DHCR7: variants seen among roughly 807,000 people sequenced by gnomAD.
The protein encoded by DHCR7 is 7-DHC reductase.
A neutral mutation model predicts 43.3 loss-of-function variants in DHCR7; 40 were observed. The observed-to-expected ratio is 0.92, with a 90% CI of 0.72 to 1.20. DHCR7 has a LOEUF of 1.20. Ranked by LOEUF, DHCR7 falls within the 50% of genes most tolerant of loss-of-function variation. The pLI is 0.00. For synonymous variants in DHCR7, 298 were observed against 271.4 expected, an observed-to-expected ratio of 1.10 and a Z score of -0.96; for missense variants, 608 against 644.6, an observed-to-expected ratio of 0.94 and a Z score of 0.62.
At chr11:71,433,435 C>T (rs1325680369), downstream of DHCR7, among the ~76,000 whole-genome samples, 1 of 152,240 alleles carries the variant, frequency 6.6e-6, no homozygotes, top group African/African-American at 2.4e-5. Flanking sequence ...ACCTGCAGCC[C>T]AGCACAAAGC....
chr11:71,448,808 G>T (rs1949433912), upstream of DHCR7: 1 of 152,296 alleles, frequency 6.6e-6, no homozygotes, highest in African/African-American at 2.4e-5. Flanking sequence ...CCGGTGCACC[G>T]CAAGGAGCAA....
At chr11:71,433,347 G>A (rs944746596), downstream of DHCR7, among the ~76,000 whole-genome samples, 2 of 152,244 alleles carry the variant, frequency 1.3e-5, no homozygotes, top group Admixed American at 6.5e-5. Context: ...GGGCAGACGT[G>A]TCTGGTGGGA....
At chr11:71,439,170 G>A (rs1013707127) in intron 6 of DHCR7, 87 bp from the exon 7 acceptor site, 1 of 1,345,396 alleles carries the variant, frequency 7.4e-7, no homozygotes. Flanking sequence ...CCCAGCACTG[G>A]CCCAGGGTCC....
intron 4 of DHCR7, among the ~76,000 whole-genome samples, chr11:71,442,913 T>C (rs1213172829): frequency 6.6e-6 from 1 of 152,206 alleles, no homozygotes; most frequent in Non-Finnish European, 1.5e-5. Flanking sequence ...CCAGAACTTT[T>C]CATCACCACA....
At chr11:71,436,404 C>T (rs1053146367) in intron 8 of DHCR7, among the ~76,000 whole-genome samples, 11 of 152,190 alleles carry the variant, frequency 7.2e-5, no homozygotes, top group South Asian at 2.1e-4. Flanking sequence ...GTGGCTCACA[C>T]CTGTAATCCC....
intron 2 of DHCR7, 106 bp from the exon 3 acceptor site, chr11:71,445,064 G>T: frequency 1.1e-6 from 1 of 906,482 alleles, no homozygotes; most frequent in Non-Finnish European, 1.8e-6. Context: ...GGCCTCCTGT[G>T]CACATCTTCC....
At chr11:71,436,065 G>T in intron 8 of DHCR7, 1 of 588,796 alleles carries the variant, frequency 1.7e-6, no homozygotes, top group South Asian at 2.0e-5. Flanking sequence ...GTATGTGTGT[G>T]TGTATATATA....
intron 8 of DHCR7, among the ~76,000 whole-genome samples, chr11:71,436,370 A>G (rs1266848799): frequency 6.6e-6 from 1 of 152,208 alleles, no homozygotes; most frequent in Non-Finnish European, 1.5e-5. Context: ...AATCTGCTAA[A>G]AAGTGGCCTT....
rs755869989 is a variant in DHCR7 at position 71,444,152 on chromosome 11, G to C, written c.162C>G (p.Val54=). Residue 54 remains valine (V), a synonymous_variant, in exon 4 of 9, where the codon GTC becomes GTG. Transcript: ENST00000355527. ...IFLLLFAPFI[V]YYFIMACDQY... ...GGTCACAAGCCATGATGAAGTAGTA[G>C]ACGATGAAGGGGGCGAACAGCAGTA... 6.2e-7 allele frequency: 1 copy of C among 1,611,244 alleles called. No individual in the cohort carries two copies.
chr11:71,444,192 G>T lies in DHCR7; in HGVS notation c.122C>A (p.Ala41Glu). The T allele has an allele frequency of 6.3e-7, 1 of 1,597,598 alleles. No individual in the cohort carries two copies. The highest frequency in any genetic ancestry group is 8.5e-7 in the Non-Finnish European group (1 of 1,171,394). Reference protein sequence around the residue: ...RAWEVDWFSLASVIFLLLFAP... With the variant: ...RAWEVDWFSLESVIFLLLFAP... ...GAACAGCAGTAGGAAGATGACGCTC[G>T]CCAGTGAAAACCAGTCCACCTCCCT... The change falls in exon 4 of 9, where the codon GCG becomes GAG. Residue 41 changes from alanine (A) to glutamate (E), a missense_variant. By Grantham distance (107) the Ala-to-Glu change is moderately radical (BLOSUM62 -1). Transcript: ENST00000355527.
In DHCR7 at chr11:71,435,785, C is replaced by T. The variant is rs148081697; in HGVS notation, c.1018G>A (p.Val340Ile). ...VQLSTPHAVGVLLLGLVGYYI... is the reference protein window; with the variant it reads ...VQLSTPHAVGILLLGLVGYYI... ...TAGCCCACCAGGCCCAGCAGCAGGA[C>T]GCCCACGGCGTGCGGGGTGGACAGC... The change falls in exon 9 of 9, where the codon GTC becomes ATC. Residue 340 changes from valine (V) to isoleucine (I), a missense_variant. Transcript: ENST00000355527. The T allele has an allele frequency of 4.0e-4, 640 of 1,608,398 alleles. 3 individuals carry two copies. The highest frequency in any genetic ancestry group is 1.6e-4 in the South Asian group (15 of 90,980).
intron 5 of DHCR7, among the ~76,000 whole-genome samples, chr11:71,442,050 C>T (rs1949353625): frequency 6.6e-6 from 1 of 152,196 alleles, no homozygotes; most frequent in Non-Finnish European, 1.5e-5. Flanking sequence ...GCCATCCATT[C>T]CCTCCTTACC....
At chr11:71,443,836 G>A (rs1591113128) in intron 4 of DHCR7, 157 bp downstream of exon 4, 1 of 616,932 alleles carries the variant, frequency 1.6e-6, no homozygotes, top group Admixed American at 2.9e-5. Flanking sequence ...GGATGAATCT[G>A]AACATGTCAG....
At chr11:71,437,736 A>G in intron 8 of DHCR7, 76 bp downstream of exon 8, 6 of 1,601,130 alleles carry the variant, frequency 3.7e-6, no homozygotes, top group Non-Finnish European at 5.1e-6. Context: ...CCCCAAGGAC[A>G]GACGCTTCTG....
downstream of DHCR7, among the ~76,000 whole-genome samples, chr11:71,432,677 T>G (rs554140165): frequency 7.2e-5 from 11 of 152,292 alleles, no homozygotes; most frequent in South Asian, 2.3e-3. Context: ...ACCCAAACAT[T>G]GTACTCTGTG....
Position 71,435,298 on chromosome 11 carries a change from G to GCTGGGATGCCAGCCCCCATGGAC in DHCR7, c.*54_*76dup. On this transcript the variant is annotated 3_prime_UTR_variant, in exon 9 of 9. Transcript: ENST00000355527. ...GGAAACTGAGGCTCCTCGAGTTGGAGCTGGGATGCCAGCCCCCATGGACCT... is the reference window on the plus strand; with the variant it reads ...GGAAACTGAGGCTCCTCGAGTTGGAGCTGGGATGCCAGCCCCCATGGACCTGGGATGCCAGCCCCCATGGACCT... The GCTGGGATGCCAGCCCCCATGGAC allele has an allele frequency of 6.7e-7, 1 of 1,487,908 alleles. No individual in the cohort carries two copies. Among genetic ancestry groups the GCTGGGATGCCAGCCCCCATGGAC allele is most frequent in the Non-Finnish European group, 9.3e-7 (1 of 1,076,134 alleles). 92.2% of individuals were successfully genotyped at this position (1,487,908 alleles called of 1,614,324 possible). A position where few individuals can be genotyped will look rare whatever the true frequency, so the allele number is the denominator to read the frequency against.
intron 4 of DHCR7, 134 bp downstream of exon 4, chr11:71,443,859 G>A (rs1166055159): frequency 3.0e-6 from 2 of 663,764 alleles, no homozygotes; most frequent in Non-Finnish European, 5.1e-6. Context: ...TCCAGGGAAT[G>A]CCCTGCTGGG....
intron 2 of DHCR7, chr11:71,428,994 G>A (rs1949214678): frequency 1.1e-5 from 4 of 366,192 alleles, no homozygotes; most frequent in Non-Finnish European, 2.2e-5. Flanking sequence ...GTGTGCTCAG[G>A]GGTAGGAAGA....
rs111241376 is a variant in DHCR7 at position 71,437,783 on chromosome 11, C to T, written c.963+29G>A. On this transcript the variant is annotated intron_variant, in intron 8 of 8. Transcript: ENST00000355527. ...CTTAGCATGTGTCTGCCAAATGCCCCGCTGGGCCAGCTCTGCCCACCTCCT... is the reference window on the plus strand; with the variant it reads ...CTTAGCATGTGTCTGCCAAATGCCCTGCTGGGCCAGCTCTGCCCACCTCCT... The T allele has an allele frequency of 2.3e-5, 37 of 1,613,304 alleles. No individual in the cohort carries two copies. In the African/African-American group the frequency reaches 3.3e-4, roughly 15 times the overall value.
Sources: gnomAD v4.1 joint callset for allele counts (sites outside exome capture counted in the v4.1 genomes callset) on GRCh38, gnomAD v4.1.1 for gene constraint, MANE v1.5 for transcripts, NCBI Gene and HGNC (gene_info 2026-07-23, HGNC 2026-07-21) for gene names.